TENM3: variants seen among roughly 807,000 people sequenced by gnomAD.
TENM3 encodes teneurin-3.
In TENM3, 63 loss-of-function variants were observed where a neutral mutation model predicts 255.1. The ratio of observed to expected loss-of-function variants is 0.25; its 90% CI spans 0.20 to 0.30. TENM3 has a LOEUF of 0.30. Ranked by LOEUF, TENM3 falls within the 10% of genes least tolerant of loss-of-function variation. The pLI, the probability that TENM3 is intolerant of heterozygous loss-of-function variation, is 1.00. For synonymous variants in TENM3, 1,306 were observed against 1,322.3 expected, an observed-to-expected ratio of 0.99 and a Z score of 0.27; for missense variants, 2,929 against 3,461.1, an observed-to-expected ratio of 0.85 and a Z score of 3.86.
intron 1 of TENM3, among the ~76,000 whole-genome samples, chr4:182,150,829 C>G (rs903733733): frequency 1.3e-4 from 20 of 152,242 alleles, no homozygotes; most frequent in Admixed American, 1.2e-3. Context: ...TTGGTAGTGA[C>G]TGTCTTCCTT....
chr4:182,542,180 C>T (rs185865677), intron 3 of TENM3, among the ~76,000 whole-genome samples: 1 of 152,156 alleles, frequency 6.6e-6, no homozygotes, highest in African/African-American at 2.4e-5. Context: ...AAGTCTCTCC[C>T]CCTTGTTTGT....
chr4:181,763,990 A>G, the TENM3 span, among the ~76,000 whole-genome samples: 3 of 152,190 alleles, frequency 2.0e-5, no homozygotes, highest in East Asian at 5.8e-4. Flanking sequence ...GATTTGTCCA[A>G]CTGAAAAATA....
chr4:182,328,334 G>A (rs1304231637), intron 2 of TENM3, among the ~76,000 whole-genome samples: 1 of 152,046 alleles, frequency 6.6e-6, no homozygotes, highest in African/African-American at 2.4e-5. Flanking sequence ...TCCTGCCTCA[G>A]CTTCCCGAGT....
chr4:181,604,180 G>C, the TENM3 span, among the ~76,000 whole-genome samples: 1 of 152,118 alleles, frequency 6.6e-6, no homozygotes, highest in South Asian at 2.1e-4. Context: ...CAGGAGAATG[G>C]CGTGAACCCG....
At chr4:182,682,071 A>C in intron 11 of TENM3, 57 bp downstream of exon 11, 1 of 1,441,228 alleles carries the variant, frequency 6.9e-7, no homozygotes, top group Non-Finnish European at 9.7e-7. Context: ...GCTAAAGATG[A>C]TATTTTAATC....
chr4:181,470,302 T>G, the TENM3 span, among the ~76,000 whole-genome samples: 55 of 152,284 alleles, frequency 3.6e-4, no homozygotes, highest in African/African-American at 1.2e-3. Context: ...GAGTAAAATG[T>G]ACATTTAAGC....
At chr4:182,432,627 G>C (rs528132893) in intron 3 of TENM3, among the ~76,000 whole-genome samples, 163 of 152,302 alleles carry the variant, frequency 1.1e-3, no homozygotes, top group African/African-American at 3.7e-3. Context: ...CTAAGTTAAG[G>C]CATGAAGGAC....
chr4:181,850,633 C>T, the TENM3 span, among the ~76,000 whole-genome samples: 15 of 152,088 alleles, frequency 9.9e-5, no homozygotes, highest in African/African-American at 3.6e-4. Context: ...GCATGAAATA[C>T]ATATATTCTC....
intron 1 of TENM3, among the ~76,000 whole-genome samples, chr4:182,192,687 C>A (rs1753597038): frequency 1.3e-5 from 2 of 152,116 alleles, no homozygotes; most frequent in Admixed American, 6.5e-5. Flanking sequence ...GGTGTTTATG[C>A]ATTAGTTTTG....
chr4:181,829,187 C>T, the TENM3 span, among the ~76,000 whole-genome samples: 3 of 152,210 alleles, frequency 2.0e-5, no homozygotes, highest in Non-Finnish European at 4.4e-5. Context: ...TGAATTATTT[C>T]TGTCTTTACA....
At chr4:182,198,910 A>C (rs1449903191) in intron 1 of TENM3, among the ~76,000 whole-genome samples, 1 of 152,186 alleles carries the variant, frequency 6.6e-6, no homozygotes, top group African/African-American at 2.4e-5. Context: ...TTCCCATAGA[A>C]GAAGACAAAG....
chr4:182,464,402 G>A (rs540319695), intron 3 of TENM3, among the ~76,000 whole-genome samples: 21 of 152,142 alleles, frequency 1.4e-4, no homozygotes, highest in East Asian at 5.8e-4. Context: ...GATTACAGTC[G>A]CCTGCTGCCA....
At chr4:181,989,164 G>C in the TENM3 span, among the ~76,000 whole-genome samples, 1 of 152,068 alleles carries the variant, frequency 6.6e-6, no homozygotes, top group Non-Finnish European at 1.5e-5. Flanking sequence ...GAGTGAAGTA[G>C]ACCAGGGGAA....
chr4:182,106,654 C>T, the TENM3 span, among the ~76,000 whole-genome samples: 5 of 152,062 alleles, frequency 3.3e-5, no homozygotes, highest in African/African-American at 1.2e-4. Flanking sequence ...GGCCTAAAGT[C>T]GGTTTTTTAG....
At chr4:181,963,815 T>A in the TENM3 span, among the ~76,000 whole-genome samples, 1 of 152,172 alleles carries the variant, frequency 6.6e-6, no homozygotes, top group African/African-American at 2.4e-5. Flanking sequence ...AATGATCATT[T>A]TAGGTATTCA....
chr4:181,942,839 G>A, the TENM3 span, among the ~76,000 whole-genome samples: 1 of 152,138 alleles, frequency 6.6e-6, no homozygotes, highest in African/African-American at 2.4e-5. Flanking sequence ...AATACATATT[G>A]TAAAGGTACT....
At chr4:182,005,709 TG>T in the TENM3 span, among the ~76,000 whole-genome samples, 1 of 152,190 alleles carries the variant, frequency 6.6e-6, no homozygotes, top group Non-Finnish European at 1.5e-5. Context: ...GAGGATGGAA[TG>T]TTTTTCCATA....
chr4:182,269,021 T>TATTTCTTTGTCCTGTGACAA (rs1318607836), intron 1 of TENM3, among the ~76,000 whole-genome samples: 4 of 152,158 alleles, frequency 2.6e-5, no homozygotes, highest in African/African-American at 9.7e-5. Context: ...TCCTGTAACA[T>TATTTCTTTGTCCTGTGACAA]ATTTCTTTGT....
rs567015670 is a variant in TENM3 at position 182,180,864 on chromosome 4, T to C, written c.-76+36110T>C. Among the ~76,000 whole-genome samples, 28 of 152,144 alleles carry C rather than the reference T, an allele frequency of 1.8e-4. No individual in the cohort carries two copies. In the South Asian group the frequency reaches 5.2e-3, roughly 28 times the overall value. The stretch of plus-strand genomic sequence containing the variant: ...TTTAATTTCTTTCATTAAAACAATT[T>C]CATTGCTCTTCCTCTTCACAAATCA... On this transcript the variant is annotated intron_variant, in intron 1 of 2. Coordinates refer to the TENM3 transcript ENST00000512480.
Sources: gnomAD v4.1 joint callset for allele counts (sites outside exome capture counted in the v4.1 genomes callset) on GRCh38, gnomAD v4.1.1 for gene constraint, MANE v1.5 for transcripts, NCBI Gene and HGNC (gene_info 2026-07-23, HGNC 2026-07-21) for gene names.